STAT3: variants seen among roughly 807,000 people sequenced by gnomAD.
The protein encoded by STAT3 is DNA-binding protein APRF.
A neutral mutation model predicts 114.3 loss-of-function variants in STAT3; 7 were observed. The observed-to-expected ratio is 0.06, with a 90% CI of 0.03 to 0.11. The LOEUF is 0.11. Ranked by LOEUF, STAT3 falls within the 10% of genes least tolerant of loss-of-function variation. STAT3 has a pLI of 1.00. For synonymous variants in STAT3, 331 were observed against 354.5 expected, an observed-to-expected ratio of 0.93 and a Z score of 0.74; for missense variants, 364 against 960.9, an observed-to-expected ratio of 0.38 and a Z score of 8.21.
chr17:42,358,224 T>C lies in STAT3; in HGVS notation c.-23-9685A>G, dbSNP rs563825412. 3.8e-3 allele frequency among the ~76,000 whole-genome samples: 586 copies of C among 152,266 alleles called. 4 individuals carry two copies. The highest frequency in any genetic ancestry group is 0.013 in the African/African-American group (559 of 41,568). On this transcript the variant is annotated intron_variant, in intron 1 of 23. Transcript: ENST00000264657. Reference sequence around the variant, plus strand: ...TGAGCTCAGGAGTTCAAGACCAGCCTGGGCAACACCGTGAGACCTTGCCTC... The same window carrying C: ...TGAGCTCAGGAGTTCAAGACCAGCCCGGGCAACACCGTGAGACCTTGCCTC...
chr17:42,365,432 G>A lies in STAT3; in HGVS notation c.-23-16893C>T, dbSNP rs571279708. On this transcript the variant is annotated intron_variant, in intron 1 of 23. Transcript: ENST00000264657. ...AGAGCAAAGACAAGCCATCCCTGCT[G>A]TTATCTAAATTCCTGCCCACGGCAT... 1.1e-4 allele frequency among the ~76,000 whole-genome samples: 17 copies of A among 152,248 alleles called. No homozygotes were observed. In the South Asian group the frequency reaches 3.5e-3, roughly 32 times the overall value.
At chr17:42,339,760 T>TA (rs996544281) in intron 4 of STAT3, among the ~76,000 whole-genome samples, 11 of 150,570 alleles carry the variant, frequency 7.3e-5, no homozygotes, top group South Asian at 4.2e-4. Context: ...TGAGGGATAA[T>TA]AAAAAAAAAG....
At chr17:42,364,675 G>A (rs897383848) in intron 1 of STAT3, among the ~76,000 whole-genome samples, 1 of 152,182 alleles carries the variant, frequency 6.6e-6, no homozygotes, top group Admixed American at 6.5e-5. Flanking sequence ...TAGAGATGGA[G>A]TTTCACCATT....
intron 1 of STAT3, among the ~76,000 whole-genome samples, chr17:42,364,324 G>A (rs891089590): frequency 3.9e-5 from 6 of 152,166 alleles, no homozygotes; most frequent in Non-Finnish European, 8.8e-5. Context: ...CTTCATAGGA[G>A]TCAGAAACAG....
intron 8 of STAT3, among the ~76,000 whole-genome samples, chr17:42,335,332 G>A (rs527421909): frequency 6.6e-6 from 1 of 152,142 alleles, no homozygotes; most frequent in South Asian, 2.1e-4. Flanking sequence ...CTGTCACCCA[G>A]GCTGAAGTGT....
Position 42,340,779 on chromosome 17 carries a change from A to G in STAT3, c.373-1370T>C, listed in dbSNP as rs373013321. 1.4e-3 allele frequency among the ~76,000 whole-genome samples: 208 copies of G among 152,278 alleles called. 4 individuals are homozygous for G. The South Asian group carries it at 0.032, about 23-fold the overall frequency. ...CTCATCTGATTGGTAAGATGGAGAGAAAGACTCTGTGTACACACAGATCTT... is the reference window on the plus strand; with the variant it reads ...CTCATCTGATTGGTAAGATGGAGAGGAAGACTCTGTGTACACACAGATCTT... On this transcript the variant is annotated intron_variant, in intron 4 of 23. Coordinates refer to ENST00000264657, the MANE Select transcript of STAT3 (RefSeq NM_139276.3).
Position 42,323,596 on chromosome 17 carries a change from T to G in STAT3, c.1630A>C (p.Ile544Leu), listed in dbSNP as rs1598394688. The G allele has an allele frequency of 6.2e-7, 1 of 1,613,500 alleles. No homozygotes were observed. The highest frequency in any genetic ancestry group is 1.3e-5 in the African/African-American group (1 of 74,490). ...ACTTTGCAAAATTTAGCCCATGTGA[T>G]CTGACACCCTGAATAATTCACACCA... is the stretch of plus-strand genomic sequence containing the variant. The part of the protein sequence containing the change: ...GPGVNYSGCQ[I>L]TWAKFCKENM... The change falls in exon 18 of 24, where the codon ATC (isoleucine) becomes CTC (leucine). Residue 544 changes from isoleucine (I) to leucine (L), a missense_variant. Around this residue, in one of 5 missense-constraint regions of STAT3, gnomAD observed 294 missense variants for 745.1 expected, o/e 0.39. Transcript: ENST00000264657.
chr17:42,315,391 GAAC>G lies in STAT3; in HGVS notation c.*351_*353del, dbSNP rs533596827. ...CAGGCACCAGGAGGCACTTGTCTAAGAACAACAACAACAATAACAAAAAGCTGC... is the reference window on the plus strand; with the variant it reads ...CAGGCACCAGGAGGCACTTGTCTAAGAACAACAACAATAACAAAAAGCTGC... On this transcript the variant is annotated 3_prime_UTR_variant, in exon 24 of 24. Coordinates refer to ENST00000264657, the MANE Select transcript of STAT3 (RefSeq NM_139276.3). 363 of 456,846 alleles carry G rather than the reference GAAC, an allele frequency of 7.9e-4. 2 individuals carry two copies. Among genetic ancestry groups the G allele is most frequent in the African/African-American group, 5.5e-3 (285 of 51,414 alleles). The allele number at this position is 456,846 out of a possible 1,614,324, so 28.3% of individuals were successfully genotyped here. A position where few individuals can be genotyped will look rare whatever the true frequency, so the allele number is the denominator to read the frequency against.
At chr17:42,363,132 A>G (rs1242009230) in intron 1 of STAT3, among the ~76,000 whole-genome samples, 2 of 152,194 alleles carry the variant, frequency 1.3e-5, no homozygotes, top group Admixed American at 1.3e-4. Context: ...TGAATGAACG[A>G]CTGGAGTGAA....
At chr17:42,317,579 C>A (rs1208489519) in intron 21 of STAT3, 3 of 382,570 alleles carry the variant, frequency 7.8e-6, no homozygotes, top group African/African-American at 6.1e-5. Flanking sequence ...GCATTCTATT[C>A]CGGCCTGGTC....
chr17:42,321,762 GCCCTCACTTT>G (rs1326907483), intron 21 of STAT3, among the ~76,000 whole-genome samples: 1 of 152,192 alleles, frequency 6.6e-6, no homozygotes, highest in Non-Finnish European at 1.5e-5. Flanking sequence ...CCTGTTAACT[GCCCTCACTTT>G]CCCTTCTCGT....
intron 14 of STAT3, 139 bp from the exon 15 acceptor site, chr17:42,326,338 T>C: frequency 1.4e-6 from 1 of 727,364 alleles, no homozygotes; most frequent in South Asian, 1.5e-5. Context: ...CAAAACTCCA[T>C]CTCTGCAAAA....
Position 42,322,617 on chromosome 17 carries a change from G to C in STAT3, c.1889-123C>G, listed in dbSNP as rs963218531. ...TAAGCCACCCTAGTGTTGAGACCCT[G>C]AACACCCTGTTCAGTGGCCTGGCAC... is the stretch of plus-strand genomic sequence containing the variant. On this transcript the variant is annotated intron_variant, in intron 20 of 23. Transcript: ENST00000264657. The C allele has an allele frequency of 2.3e-5, 24 of 1,057,120 alleles. No individual in the cohort carries two copies. The Admixed American group carries it at 3.5e-4, about 16-fold the overall frequency. The allele number at this position is 1,057,120 out of a possible 1,614,324, so 65.5% of individuals were successfully genotyped here. A position where few individuals can be genotyped will look rare whatever the true frequency, so the allele number is the denominator to read the frequency against.
intron 1 of STAT3, among the ~76,000 whole-genome samples, chr17:42,363,189 G>A (rs560563693): frequency 2.0e-5 from 3 of 152,132 alleles, no homozygotes; most frequent in Non-Finnish European, 4.4e-5. Context: ...AGGACACTGC[G>A]CCCAATTAGA....
At chr17:42,321,114 CTTTTTTTTT>C (rs971943600) in intron 21 of STAT3, among the ~76,000 whole-genome samples, 1 of 110,130 alleles carries the variant, frequency 9.1e-6, no homozygotes, top group Non-Finnish European at 1.8e-5. Flanking sequence ...ATTTCTCTCT[CTTTTTTTTT>C]TTTTTTTTTT....
At chr17:42,378,810 G>T (rs760646489) in intron 1 of STAT3, among the ~76,000 whole-genome samples, 10 of 152,152 alleles carry the variant, frequency 6.6e-5, no homozygotes, top group Non-Finnish European at 1.2e-4. Flanking sequence ...ACATTGTGGG[G>T]AGAGAAGGGG....
chr17:42,352,731 T>TA (rs1275334817), intron 1 of STAT3, among the ~76,000 whole-genome samples: 1 of 151,874 alleles, frequency 6.6e-6, no homozygotes, highest in African/African-American at 2.4e-5. Flanking sequence ...CTGATGTGCA[T>TA]ACAAAGAAAT....
At position 42,324,659 on chromosome 17, in the gene STAT3, G is replaced by T; in HGVS notation, c.1600+52C>A. On this transcript the variant is annotated intron_variant, in intron 17 of 23. Coordinates refer to ENST00000264657, the MANE Select transcript of STAT3 (RefSeq NM_139276.3). The surrounding 1 kb of genome is among the most constrained non-coding windows in gnomAD (Gnocchi z 4.5). ...GCCCAAATGAACAGCCCTATGGGCCGGATCCCTTTTCTGGGCGGGTGGGCG... is the reference window on the plus strand; with the variant it reads ...GCCCAAATGAACAGCCCTATGGGCCTGATCCCTTTTCTGGGCGGGTGGGCG... 6.6e-7 allele frequency: 1 copy of T among 1,504,220 alleles called. No homozygotes were observed. The highest frequency in any genetic ancestry group is 8.8e-7 in the Non-Finnish European group (1 of 1,132,384). The allele number at this position is 1,504,220 out of a possible 1,614,324, so 93.2% of individuals were successfully genotyped here.
At chr17:42,315,960 C>T (rs1404038077) in intron 23 of STAT3, 160 bp from the exon 24 acceptor site, 2 of 1,516,806 alleles carry the variant, frequency 1.3e-6, no homozygotes, top group Admixed American at 2.1e-5. Flanking sequence ...ATTTACCCTC[C>T]TCCCTGGAGG....
Sources: gnomAD v4.1 joint callset for allele counts (sites outside exome capture counted in the v4.1 genomes callset) on GRCh38, gnomAD v4.1.1 for gene constraint, gnomAD v4.1.1 regional missense constraint, Gnocchi (gnomAD v3.1) non-coding constraint, MANE v1.5 for transcripts, NCBI Gene and HGNC (gene_info 2026-07-23, HGNC 2026-07-21) for gene names.